FOCAD: variants seen among roughly 807,000 people sequenced by gnomAD.
The protein encoded by FOCAD is focadhesin.
FOCAD carries 198 observed loss-of-function variants against 225.6 expected under a neutral mutation model. The ratio of observed to expected loss-of-function variants is 0.88; its 90% CI spans 0.78 to 0.99. FOCAD has a LOEUF of 0.99. FOCAD is among the 50% of genes least tolerant of loss of function. The pLI is 0.00. For missense variants in FOCAD, 2,713 were observed against 2,123.6 expected, an observed-to-expected ratio of 1.28 and a Z score of -5.46; for synonymous variants, 897 against 755.0, an observed-to-expected ratio of 1.19 and a Z score of -3.08.
chr9:20,665,015 G>C (rs1286459572), intron 2 of FOCAD, among the ~76,000 whole-genome samples: 1 of 152,100 alleles, frequency 6.6e-6, no homozygotes, highest in Admixed American at 6.5e-5. Flanking sequence ...GAATAAGTTG[G>C]TGGTAACATT....
intron 18 of FOCAD, among the ~76,000 whole-genome samples, chr9:20,870,492 C>G (rs1283932081): frequency 6.6e-6 from 1 of 152,164 alleles, no homozygotes; most frequent in Non-Finnish European, 1.5e-5. Context: ...GATGGTTGGA[C>G]TTAACGATTT....
Position 20,984,643 on chromosome 9 carries a change from CTGTTGTGAGGT to C in FOCAD, c.4729-1640_4729-1630del, listed in dbSNP as rs138147291. ...TCTCATGGCAGCTTCTTCATTCCAT[CTGTTGTGAGGT>C]TGTTTTGGTGAAGTATGTGAAGAAA... is the stretch of plus-strand genomic sequence containing the variant. On this transcript the variant is annotated intron_variant, in intron 39 of 43. Transcript: ENST00000338382. Among the ~76,000 whole-genome samples the C allele has an allele frequency of 2.5e-3, 383 of 152,294 alleles. 1 individual carries two copies. Among genetic ancestry groups the C allele is most frequent in the African/African-American group, 8.7e-3 (361 of 41,558 alleles).
chr9:20,686,003 A>G (rs1481409444), intron 1 of FOCAD, among the ~76,000 whole-genome samples: 2 of 152,196 alleles, frequency 1.3e-5, no homozygotes, highest in Non-Finnish European at 2.9e-5. Context: ...TCCCCGTTTA[A>G]AATGATTTAT....
chr9:20,659,008 C>A (rs1383004472), intron 2 of FOCAD, among the ~76,000 whole-genome samples: 6 of 152,100 alleles, frequency 3.9e-5, no homozygotes. Context: ...TGCCTGAGCT[C>A]AGGAGTTCTA....
intron 18 of FOCAD, among the ~76,000 whole-genome samples, chr9:20,869,516 G>C (rs1280105563): frequency 6.6e-6 from 1 of 152,110 alleles, no homozygotes; most frequent in Non-Finnish European, 1.5e-5. Flanking sequence ...AGAACAAAAA[G>C]AGTAAGAGGA....
intron 1 of FOCAD, among the ~76,000 whole-genome samples, chr9:20,684,860 C>T (rs367839790): frequency 6.6e-6 from 1 of 152,320 alleles, no homozygotes; most frequent in Admixed American, 6.5e-5. Context: ...TGGCTCCGTC[C>T]GCACTTGCGG....
At chr9:20,673,621 G>T (rs1018536670) in intron 2 of FOCAD, among the ~76,000 whole-genome samples, 1 of 151,920 alleles carries the variant, frequency 6.6e-6, no homozygotes, top group Non-Finnish European at 1.5e-5. Context: ...TTGAGACAGG[G>T]TCTCACTCTG....
intron 15 of FOCAD, among the ~76,000 whole-genome samples, chr9:20,848,010 T>G (rs1025806425): frequency 2.0e-5 from 3 of 151,960 alleles, no homozygotes; most frequent in African/African-American, 4.8e-5. Flanking sequence ...AAGTCAGAAA[T>G]TATGGGGTGT....
At chr9:20,980,079 T>A (rs2132617097) in intron 37 of FOCAD, among the ~76,000 whole-genome samples, 1 of 152,180 alleles carries the variant, frequency 6.6e-6, no homozygotes, top group African/African-American at 2.4e-5. Flanking sequence ...CTGCTTTCTA[T>A]TTGTAGTATT....
chr9:20,860,040 A>G (rs911473182), intron 15 of FOCAD, among the ~76,000 whole-genome samples: 10 of 152,226 alleles, frequency 6.6e-5, no homozygotes, highest in East Asian at 1.9e-4. Flanking sequence ...TACACTTTAC[A>G]TGAGGAATTG....
chr9:20,718,849 ATTTG>A (rs1443487161), intron 3 of FOCAD, among the ~76,000 whole-genome samples: 1 of 152,134 alleles, frequency 6.6e-6, no homozygotes, highest in Non-Finnish European at 1.5e-5. Flanking sequence ...CAGTTTATTT[ATTTG>A]TTTGTTTTGT....
chr9:20,658,189 G>C (rs1426338090), upstream of FOCAD: 2 of 152,258 alleles, frequency 1.3e-5, no homozygotes, highest in Non-Finnish European at 2.9e-5. Context: ...AAAGCTGTCA[G>C]ACAGGGACAC....
intron 34 of FOCAD, among the ~76,000 whole-genome samples, 160 bp from the exon 35 acceptor site, chr9:20,952,825 C>G (rs1215593523): frequency 6.6e-6 from 1 of 152,098 alleles, no homozygotes; most frequent in Non-Finnish European, 1.5e-5. Flanking sequence ...GTCACTTAAT[C>G]TAATAGAATT....
At chr9:20,757,256 AG>A (rs1829140499) in intron 5 of FOCAD, among the ~76,000 whole-genome samples, 1 of 152,202 alleles carries the variant, frequency 6.6e-6, no homozygotes, top group Admixed American at 6.6e-5. Flanking sequence ...ATTTTCTTGG[AG>A]GAAAAAGCCA....
chr9:20,882,747 T>G (rs1830781130), intron 20 of FOCAD, among the ~76,000 whole-genome samples: 1 of 152,196 alleles, frequency 6.6e-6, no homozygotes, highest in Admixed American at 6.5e-5. Flanking sequence ...AACTCAGAAC[T>G]TGAGTGACCT....
chr9:20,811,691 T>C (rs1170995474), intron 11 of FOCAD, among the ~76,000 whole-genome samples: 1 of 152,082 alleles, frequency 6.6e-6, no homozygotes, highest in Non-Finnish European at 1.5e-5. Context: ...GAGGAAGTAA[T>C]TACCTTTTTA....
At chr9:20,753,760 A>G (rs1216600237) in intron 5 of FOCAD, among the ~76,000 whole-genome samples, 1 of 151,908 alleles carries the variant, frequency 6.6e-6, no homozygotes, top group Non-Finnish European at 1.5e-5. Context: ...AATGATTATG[A>G]TAGTGTTCTG....
At chr9:20,867,906 G>A (rs1311326014) in intron 18 of FOCAD, among the ~76,000 whole-genome samples, 1 of 152,022 alleles carries the variant, frequency 6.6e-6, no homozygotes, top group Non-Finnish European at 1.5e-5. Flanking sequence ...GATGCCAGTA[G>A]GAACCAGGCA....
intron 21 of FOCAD, among the ~76,000 whole-genome samples, chr9:20,898,042 C>A (rs1464507126): frequency 6.6e-6 from 1 of 151,772 alleles, no homozygotes; most frequent in Admixed American, 6.6e-5. Flanking sequence ...CCTCTCTCAG[C>A]ACTTTATTTC....
Sources: allele counts gnomAD v4.1 joint callset (sites outside exome capture counted in the v4.1 genomes callset), GRCh38; gene constraint gnomAD v4.1.1; transcripts MANE v1.5; gene names NCBI Gene and HGNC (gene_info 2026-07-23, HGNC 2026-07-21).